The following ESCO1 variants were observed in gnomAD, a reference collection of about 807,000 sequenced individuals.
ESCO1 encodes establishment of sister chromatid cohesion N-acetyltransferase 1.
Under a neutral mutation model 83.5 loss-of-function variants are expected in ESCO1, and 33 were observed. The observed-to-expected ratio is 0.40, with a 90% CI of 0.30 to 0.53. ESCO1 has a LOEUF of 0.53. Among genes scored for constraint, ESCO1 ranks in the 20% least tolerant of loss-of-function variants. The probability of loss-of-function intolerance (pLI) is 0.63; values close to 1 mark genes in which losing one functional copy is unlikely to be tolerated. For synonymous variants in ESCO1, 332 were observed against 324.3 expected (o/e 1.02, Z -0.25); for missense variants, 855 against 968.0 (o/e 0.88, Z 1.55).
At chr18:21,553,595 T>C (rs1598986615) in intron 8 of ESCO1, among the ~76,000 whole-genome samples, 1 of 152,168 alleles carries the variant, frequency 6.6e-6, no homozygotes, top group Middle Eastern at 3.4e-3. Flanking sequence ...CAGTGGCTTA[T>C]GCCTGTAATC....
At chr18:21,536,916 T>G (rs2037845207) in intron 9 of ESCO1, among the ~76,000 whole-genome samples, 1 of 152,214 alleles carries the variant, frequency 6.6e-6, no homozygotes, top group African/African-American at 2.4e-5. Flanking sequence ...TCATGTTTAC[T>G]TCCTATCAAC....
intron 8 of ESCO1, among the ~76,000 whole-genome samples, chr18:21,551,741 G>A (rs543193367): frequency 1.7e-4 from 26 of 152,322 alleles, no homozygotes; most frequent in Non-Finnish European, 3.7e-4. Flanking sequence ...GGGCTGGAAG[G>A]TATAGAGAGT....
At chr18:21,565,019 T>G (rs1343008291) in intron 6 of ESCO1, among the ~76,000 whole-genome samples, 1 of 152,104 alleles carries the variant, frequency 6.6e-6, no homozygotes. Flanking sequence ...GAGGTTGCGG[T>G]GAGCCGAAAT....
chr18:21,577,369 A>ATT (rs1482202237), intron 2 of ESCO1, among the ~76,000 whole-genome samples: 2 of 148,628 alleles, frequency 1.3e-5, no homozygotes, highest in Non-Finnish European at 3.0e-5. Flanking sequence ...TTTAAAAAAA[A>ATT]AAAAAAAAAA....
At chr18:21,585,064 C>G (rs2038555229) in intron 1 of ESCO1, among the ~76,000 whole-genome samples, 1 of 150,934 alleles carries the variant, frequency 6.6e-6, no homozygotes, top group Admixed American at 6.6e-5. Context: ...CTGCTTGAAC[C>G]CGGGAGGCAG....
intron 5 of ESCO1, among the ~76,000 whole-genome samples, chr18:21,567,353 G>A (rs909501416): frequency 2.6e-5 from 4 of 151,824 alleles, no homozygotes; most frequent in Non-Finnish European, 5.9e-5. Context: ...AAATAGAAAC[G>A]GAGGTCTCAC....
intron 1 of ESCO1, among the ~76,000 whole-genome samples, chr18:21,588,271 T>C (rs1368537792): frequency 2.6e-5 from 4 of 152,020 alleles, no homozygotes; most frequent in Admixed American, 1.3e-4. Context: ...GTATTTAACA[T>C]ATATGATCAT....
At chr18:21,567,517 C>A (rs1431379090) in intron 5 of ESCO1, among the ~76,000 whole-genome samples, 1 of 151,644 alleles carries the variant, frequency 6.6e-6, no homozygotes, top group Non-Finnish European at 1.5e-5. Context: ...AAAACTAAAG[C>A]TTTTGGACAA....
chr18:21,592,123 C>T (rs1411261494), intron 1 of ESCO1, among the ~76,000 whole-genome samples: 13 of 149,814 alleles, frequency 8.7e-5, no homozygotes, highest in African/African-American at 2.9e-4. Context: ...CCCCACCTTT[C>T]CCGGCTTTCT....
intron 5 of ESCO1, 62 bp downstream of exon 5, chr18:21,567,918 G>A: frequency 7.8e-7 from 1 of 1,281,022 alleles, no homozygotes; most frequent in Non-Finnish European, 1.1e-6. Flanking sequence ...AACATTTTCT[G>A]TAATACTGAC....
At chr18:21,557,508 A>G (rs1181844292) in intron 8 of ESCO1, among the ~76,000 whole-genome samples, 1 of 152,172 alleles carries the variant, frequency 6.6e-6, no homozygotes, top group African/African-American at 2.4e-5. Flanking sequence ...TTTAATATTG[A>G]TTTATTGCTT....
At chr18:21,561,091 T>A in intron 7 of ESCO1, 101 bp from the exon 8 acceptor site, 1 of 1,147,756 alleles carries the variant, frequency 8.7e-7, no homozygotes, top group Non-Finnish European at 1.2e-6. Context: ...AAGAATTGTT[T>A]AATCTACATG....
rs919242307 is a variant in ESCO1, at chr18:21,573,309, A to G, written c.1530+5T>C. On this transcript the variant is annotated splice_donor_5th_base_variant and intron_variant, in intron 4 of 11. Coordinates refer to ENST00000269214, the MANE Select transcript of ESCO1 (RefSeq NM_052911.3). ...CCTCTATTGTGCATAATAAAAACAG[A>G]TTACCTTATTTGATGCTGAATCAAA... 12 of 1,557,930 alleles carry G rather than the reference A, an allele frequency of 7.7e-6. No individual in the cohort carries two copies. Among genetic ancestry groups the G allele is most frequent in the African/African-American group, 1.4e-5 (1 of 72,240 alleles).
Position 21,574,596 on chromosome 18 carries a change from A to G in ESCO1, c.248T>C (p.Ile83Thr). 7 of 1,613,970 alleles carry G rather than the reference A, an allele frequency of 4.3e-6. No homozygotes were observed. The highest frequency in any genetic ancestry group is 5.9e-6 in the Non-Finnish European group (7 of 1,179,974). ...AASNDKATKS[I>T]NKNTVTVRGY... is the part of the protein sequence containing the mutation. ...CCTCACAGTCACCGTATTTTTATTA[A>G]TGGATTTAGTAGCTTTATCATTAGA... is the stretch of plus-strand genomic sequence containing the variant. Residue 83 changes from isoleucine (I) to threonine (T), a missense_variant, in exon 4 of 12, where the codon ATT becomes ACT. By Grantham distance (89) the Ile-to-Thr change is moderately conservative. Around this residue, in one of 2 missense-constraint regions of ESCO1, gnomAD observed 726 missense variants for 699.5 expected, o/e 1.04. Coordinates refer to ENST00000269214, the MANE Select transcript of ESCO1 (RefSeq NM_052911.3).
At chr18:21,557,224 A>G (rs1466846605) in intron 8 of ESCO1, among the ~76,000 whole-genome samples, 9 of 152,234 alleles carry the variant, frequency 5.9e-5, no homozygotes, top group Non-Finnish European at 1.3e-4. Context: ...CAGAAAGAAT[A>G]AAGTCCATAT....
chr18:21,544,806 T>G (rs955108766), intron 8 of ESCO1, among the ~76,000 whole-genome samples: 1 of 152,226 alleles, frequency 6.6e-6, no homozygotes, highest in African/African-American at 2.4e-5. Context: ...AAACTTGTTT[T>G]GGAAAATTCA....
At chr18:21,583,899 A>G (rs1445686641) in intron 2 of ESCO1, among the ~76,000 whole-genome samples, 1 of 152,202 alleles carries the variant, frequency 6.6e-6, no homozygotes, top group Non-Finnish European at 1.5e-5. Flanking sequence ...CAACAAATAG[A>G]GATGTAAGTT....
intron 1 of ESCO1, among the ~76,000 whole-genome samples, chr18:21,589,914 G>A (rs1408404371): frequency 4.0e-5 from 6 of 151,598 alleles, no homozygotes; most frequent in African/African-American, 1.2e-4. Flanking sequence ...TGCAAGCTCC[G>A]CCTCCCGGGT....
chr18:21,564,344 T>C, intron 6 of ESCO1, 27 bp from the exon 7 acceptor site: 1 of 1,416,138 alleles, frequency 7.1e-7, no homozygotes, highest in Non-Finnish European at 9.8e-7. Flanking sequence ...TTACTAAATG[T>C]TACAGATCCA....
Sources: allele counts gnomAD v4.1 joint callset (sites outside exome capture counted in the v4.1 genomes callset), GRCh38; gene constraint gnomAD v4.1.1; regional missense constraint gnomAD v4.1.1; transcripts MANE v1.5; gene names NCBI Gene and HGNC (gene_info 2026-07-23, HGNC 2026-07-21).